Variants in ANO2 observed in about 807,000 individuals in gnomAD.
The protein encoded by ANO2 is anoctamin 2.
ANO2 carries 101 observed loss-of-function variants against 124.2 expected under a neutral mutation model. The ratio of observed to expected loss-of-function variants is 0.81; its 90% CI spans 0.69 to 0.96. The LOEUF (loss-of-function observed/expected upper bound fraction) is 0.96, where lower values mean the gene tolerates loss of function less well. ANO2 is among the 40% of genes least tolerant of loss of function. ANO2 has a pLI of 0.00. For synonymous variants in ANO2, 486 were observed against 482.5 expected (o/e 1.01, Z -0.09); for missense variants, 1,293 against 1,274.5 (o/e 1.01, Z -0.22).
Position 5,599,537 on chromosome 12 carries a change from A to G in ANO2, c.2180T>C (p.Leu727Pro). 6.2e-7 allele frequency: 1 copy of G among 1,613,868 alleles called. No individual in the cohort carries two copies. Among genetic ancestry groups the G allele is most frequent in the Non-Finnish European group, 8.5e-7 (1 of 1,179,852 alleles). The change falls in exon 20 of 25, where the codon CTA becomes CCA. Residue 727 changes from leucine (L) to proline (P), a missense_variant. Transcript: ENST00000682330. Reference sequence around the variant, plus strand: ...TGTGTATGGTTCCAAGCTGTAGTCTAGGTCCCACTGCTCTGGATGTTTCGA... The same window carrying G: ...TGTGTATGGTTCCAAGCTGTAGTCTGGGTCCCACTGCTCTGGATGTTTCGA... Reference protein sequence around the residue: ...AHSKHPEQWDLDYSLEPYTGL... With the variant: ...AHSKHPEQWDPDYSLEPYTGL...
chr12:5,669,216 G>A (rs1358203395), intron 14 of ANO2, among the ~76,000 whole-genome samples: 2 of 152,002 alleles, frequency 1.3e-5, no homozygotes, highest in Non-Finnish European at 2.9e-5. Flanking sequence ...TTATTCCCTT[G>A]AGCAATGGTT....
chr12:5,738,451 C>T (rs563607307), intron 13 of ANO2, among the ~76,000 whole-genome samples: 1 of 150,856 alleles, frequency 6.6e-6, no homozygotes, highest in African/African-American at 2.4e-5. Context: ...TTCTAGACGG[C>T]CCTCAGCCCC....
intron 14 of ANO2, among the ~76,000 whole-genome samples, chr12:5,721,080 G>T (rs1950215604): frequency 6.6e-6 from 1 of 152,186 alleles, no homozygotes; most frequent in African/African-American, 2.4e-5. Flanking sequence ...GCTGGAGATT[G>T]TAAGTAAAGC....
In ANO2 at chr12:5,862,121, G is replaced by C. The variant is rs1476400877; in HGVS notation, c.535-7980C>G. On this transcript the variant is annotated intron_variant, in intron 3 of 24. Transcript: ENST00000682330. This position sits in a 1 kb window ranked among gnomAD's most constrained non-coding sequence, Gnocchi z 4.0. Reference sequence around the variant, plus strand: ...ACACAGGGATTTGGGATTAAGCAAAGGGAAGAAGTTCCTGCCTAGGGAAGG... The same window carrying C: ...ACACAGGGATTTGGGATTAAGCAAACGGAAGAAGTTCCTGCCTAGGGAAGG... Among the ~76,000 whole-genome samples the C allele has an allele frequency of 6.6e-6, 1 of 152,136 alleles. No homozygotes were observed.
chr12:5,852,298 G>A (rs541097188), intron 4 of ANO2, among the ~76,000 whole-genome samples: 3 of 152,246 alleles, frequency 2.0e-5, no homozygotes, highest in Middle Eastern at 3.4e-3. Context: ...GACAAAAAAC[G>A]CAGCAGTGCA....
At chr12:5,820,985 C>T (rs11615896) in intron 7 of ANO2, among the ~76,000 whole-genome samples, 46,621 of 152,164 alleles carry the variant, frequency 0.31, 7,479 homozygotes, top group Middle Eastern at 0.38. Context: ...GCCATTAATA[C>T]ACTTTTACTG....
rs888715545 is a variant in ANO2 at position 5,689,590 on chromosome 12, G to A, written c.1546-41789C>T. Among the ~76,000 whole-genome samples the A allele has an allele frequency of 2.6e-5, 4 of 152,208 alleles. No individual in the cohort carries two copies. In the South Asian group the frequency reaches 6.2e-4, roughly 24 times the overall value. On this transcript the variant is annotated intron_variant, in intron 14 of 24. Coordinates refer to ENST00000682330, the MANE Select transcript of ANO2 (RefSeq NM_001364791.2). ...AAGCTCTCACTGACACTGGCTCACC[G>A]CTGTGACGGGTTCTATCTTTCCTTC...
At chr12:5,816,437 C>T (rs1953613300) in intron 7 of ANO2, among the ~76,000 whole-genome samples, 1 of 152,020 alleles carries the variant, frequency 6.6e-6, no homozygotes, top group African/African-American at 2.4e-5. Flanking sequence ...GGGTTCTCCT[C>T]TGCTGAGAAG....
At position 5,845,831 on chromosome 12, in the gene ANO2, A is replaced by G. The variant is rs1954669263; in HGVS notation, c.633+8212T>C. Among the ~76,000 whole-genome samples, 2 of 152,238 alleles carry G rather than the reference A, an allele frequency of 1.3e-5. 1 individual carries two copies. Among genetic ancestry groups the G allele is most frequent in the South Asian group, 4.1e-4 (2 of 4,838 alleles). On this transcript the variant is annotated intron_variant, in intron 4 of 24. Transcript: ENST00000682330. ...ATTTTCTCATCTATAAAATGAAGCT[A>G]ACGGTCATATCTACCTCATGTCGTT...
At chr12:5,617,978 G>C (rs1306336640) in intron 16 of ANO2, among the ~76,000 whole-genome samples, 1 of 152,232 alleles carries the variant, frequency 6.6e-6, no homozygotes, top group Non-Finnish European at 1.5e-5. Context: ...TGGTTTATTT[G>C]AGAGGGGCTC....
chr12:5,888,081 G>T (rs1269202051), intron 3 of ANO2, among the ~76,000 whole-genome samples: 1 of 152,244 alleles, frequency 6.6e-6, no homozygotes, highest in African/African-American at 2.4e-5. Flanking sequence ...GTTCTTAAAG[G>T]CGGGGTGTCC....
intron 10 of ANO2, among the ~76,000 whole-genome samples, chr12:5,789,417 G>A (rs1475054969): frequency 1.3e-5 from 2 of 152,212 alleles, no homozygotes; most frequent in Admixed American, 6.5e-5. Context: ...TCCCCTCTCT[G>A]TCTCTCTTGA....
intron 14 of ANO2, among the ~76,000 whole-genome samples, chr12:5,702,944 G>T (rs1949465405): frequency 6.6e-6 from 1 of 152,170 alleles, no homozygotes; most frequent in African/African-American, 2.4e-5. Context: ...TTATTTTAGA[G>T]AATAATTTGA....
intron 14 of ANO2, among the ~76,000 whole-genome samples, chr12:5,728,880 C>G (rs1950536659): frequency 6.6e-6 from 1 of 152,186 alleles, no homozygotes; most frequent in African/African-American, 2.4e-5. Context: ...CAAGATAATT[C>G]AGTGAGGAAA....
intron 7 of ANO2, among the ~76,000 whole-genome samples, chr12:5,811,477 G>A (rs564678176): frequency 1.3e-5 from 2 of 151,676 alleles, no homozygotes; most frequent in African/African-American, 2.4e-5. Context: ...TTAAGACATC[G>A]TCTCCTGATT....
intron 16 of ANO2, among the ~76,000 whole-genome samples, chr12:5,627,567 A>G (rs1945479903): frequency 6.6e-6 from 1 of 152,114 alleles, no homozygotes; most frequent in Non-Finnish European, 1.5e-5. Flanking sequence ...TAAAGCCAAC[A>G]CTTTCACCCC....
At chr12:5,942,982 G>A (rs1942952843) in intron 1 of ANO2, among the ~76,000 whole-genome samples, 1 of 152,190 alleles carries the variant, frequency 6.6e-6, no homozygotes, top group South Asian at 2.1e-4. Flanking sequence ...CGGCATGGAT[G>A]TGATGAAAAG....
At chr12:5,568,081 T>C (rs1201639072) in intron 23 of ANO2, among the ~76,000 whole-genome samples, 1 of 151,684 alleles carries the variant, frequency 6.6e-6, no homozygotes, top group African/African-American at 2.4e-5. Flanking sequence ...TGCAATGCAC[T>C]AGAATGCACT....
rs149730810 is a variant in ANO2, at chr12:5,721,787, C to T, written c.1545+10733G>A. Among the ~76,000 whole-genome samples, 526 of 152,290 alleles carry T rather than the reference C, an allele frequency of 3.5e-3. 2 individuals carry two copies. Among genetic ancestry groups the T allele is most frequent in the African/African-American group, 0.012 (499 of 41,576 alleles). ...CCTCCCAAAGTGCTGGGATTACAGG[C>T]GTGAGCCACTGCGCCCAACTTAGGA... On this transcript the variant is annotated intron_variant, in intron 14 of 24. Transcript: ENST00000682330.
Sources: gnomAD v4.1 joint callset for allele counts (sites outside exome capture counted in the v4.1 genomes callset) on GRCh38, gnomAD v4.1.1 for gene constraint, Gnocchi (gnomAD v3.1) non-coding constraint, MANE v1.5 for transcripts, NCBI Gene and HGNC (gene_info 2026-07-23, HGNC 2026-07-21) for gene names.